The following ROBO1 variants were observed in gnomAD, a reference collection of about 807,000 sequenced individuals.
ROBO1 encodes roundabout homolog 1.
In ROBO1, 149 loss-of-function variants were observed where a neutral mutation model predicts 195.9. That is an observed-to-expected ratio of 0.76 (90% CI 0.67 to 0.87). The LOEUF (loss-of-function observed/expected upper bound fraction) is 0.87. Among genes scored for constraint, ROBO1 ranks in the 40% least tolerant of loss-of-function variants. ROBO1 has a pLI of 0.00. For synonymous variants in ROBO1, 816 were observed against 733.2 expected (o/e 1.11, Z -1.82); for missense variants, 1,933 against 2,068.3 (o/e 0.93, Z 1.27).
chr3:78,778,651 T>C (rs945218994), intron 4 of ROBO1, among the ~76,000 whole-genome samples: 6 of 152,210 alleles, frequency 3.9e-5, no homozygotes, highest in Non-Finnish European at 8.8e-5. Context: ...TCCATGCTCA[T>C]GGATGGGAAG....
chr3:79,460,250 T>C (rs1053512457), intron 2 of ROBO1, among the ~76,000 whole-genome samples: 3 of 152,182 alleles, frequency 2.0e-5, no homozygotes, highest in Non-Finnish European at 4.4e-5. Context: ...TGAGAGGCAT[T>C]GCCATCAATA....
chr3:78,774,380 G>C (rs989395373), intron 4 of ROBO1, among the ~76,000 whole-genome samples: 1 of 151,368 alleles, frequency 6.6e-6, no homozygotes, highest in African/African-American at 2.4e-5. Context: ...GCCGGATCTC[G>C]GCTCACCGCA....
intron 1 of ROBO1, among the ~76,000 whole-genome samples, chr3:79,606,812 G>A (rs1305986690): frequency 2.0e-5 from 3 of 151,554 alleles, no homozygotes; most frequent in African/African-American, 4.8e-5. Context: ...CAAATCAACC[G>A]TTTCAAAAAA....
chr3:78,731,724 AC>A (rs1236697349), intron 5 of ROBO1, among the ~76,000 whole-genome samples: 1 of 152,128 alleles, frequency 6.6e-6, no homozygotes, highest in African/African-American at 2.4e-5. Context: ...ACCACTCCAT[AC>A]TAAAATAACA....
intron 5 of ROBO1, among the ~76,000 whole-genome samples, chr3:78,720,478 A>C (rs2082013889): frequency 6.6e-6 from 1 of 152,154 alleles, no homozygotes; most frequent in African/African-American, 2.4e-5. Context: ...AAATAGGAAC[A>C]CTTTTACACT....
chr3:78,712,017 C>CAAAAAAAA (rs56267632), intron 8 of ROBO1, among the ~76,000 whole-genome samples: 25 of 76,444 alleles, frequency 3.3e-4, no homozygotes, highest in Admixed American at 4.9e-4. Context: ...AAGACCTTGG[C>CAAAAAAAA]AAAAAAAAAA....
At chr3:78,601,228 G>T (rs547783054) in intron 29 of ROBO1, among the ~76,000 whole-genome samples, 1 of 152,052 alleles carries the variant, frequency 6.6e-6, no homozygotes, top group Non-Finnish European at 1.5e-5. Context: ...TGAAGTTCCC[G>T]CTGACGTTCT....
chr3:79,713,992 T>C (rs1702378384), intron 1 of ROBO1, among the ~76,000 whole-genome samples: 1 of 152,156 alleles, frequency 6.6e-6, no homozygotes, highest in Admixed American at 6.6e-5. Context: ...TTTTGGTTAC[T>C]GTAGCCTTGT....
At chr3:79,552,698 G>A (rs973814611) in intron 2 of ROBO1, among the ~76,000 whole-genome samples, 1 of 152,060 alleles carries the variant, frequency 6.6e-6, no homozygotes, top group Non-Finnish European at 1.5e-5. Flanking sequence ...GCCTGGCATT[G>A]GCAGATAGAT....
In ROBO1 at chr3:79,017,450, A is replaced by AGAGTGT. The variant is rs71631636; in HGVS notation, c.173-78524_173-78523insACACTC. ...TGTGACTATAAAAATTCCGAGGTGC[A>AGAGTGT]GTGTGTGTGTGTGTGTGTGTGTGTG... On this transcript the variant is annotated intron_variant, in intron 3 of 30. Coordinates refer to ENST00000464233, the MANE Select transcript of ROBO1 (RefSeq NM_002941.4). Among the ~76,000 whole-genome samples the AGAGTGT allele has an allele frequency of 2.9e-4, 39 of 133,512 alleles. No homozygotes were observed. The East Asian group carries it at 8.3e-3, about 28-fold the overall frequency. 87.6% of individuals were successfully genotyped at this position (133,512 alleles called of 152,430 possible). A position where few individuals can be genotyped will look rare whatever the true frequency, so the allele number is the denominator to read the frequency against.
chr3:79,018,136 T>A (rs1481236149), intron 3 of ROBO1, among the ~76,000 whole-genome samples: 2 of 152,082 alleles, frequency 1.3e-5, no homozygotes. Context: ...CCCAGAGTAA[T>A]CTGGGCGTGC....
chr3:79,479,932 C>T (rs779112317), intron 2 of ROBO1, among the ~76,000 whole-genome samples: 10 of 152,098 alleles, frequency 6.6e-5, no homozygotes, highest in East Asian at 1.9e-4. Flanking sequence ...GTTCGCATTC[C>T]CTAGTTTTCC....
chr3:78,824,116 G>A (rs1063170), intron 4 of ROBO1, among the ~76,000 whole-genome samples: 1 of 152,152 alleles, frequency 6.6e-6, no homozygotes, highest in Non-Finnish European at 1.5e-5. Flanking sequence ...CTATAGCAGT[G>A]CCATACTGTA....
chr3:79,677,841 C>A (rs1338543948), intron 1 of ROBO1, among the ~76,000 whole-genome samples: 5 of 152,072 alleles, frequency 3.3e-5, no homozygotes, highest in Admixed American at 1.3e-4. Flanking sequence ...CATAGCCAGG[C>A]CAATACCTTG....
intron 24 of ROBO1, among the ~76,000 whole-genome samples, chr3:78,632,620 G>T (rs1053304164): frequency 1.3e-5 from 2 of 151,890 alleles, no homozygotes; most frequent in Non-Finnish European, 2.9e-5. Context: ...TTACCATCAC[G>T]CATCTTTACA....
intron 2 of ROBO1, among the ~76,000 whole-genome samples, chr3:79,481,392 A>G (rs903738305): frequency 1.3e-5 from 2 of 152,174 alleles, no homozygotes; most frequent in African/African-American, 2.4e-5. Flanking sequence ...TCCAGGTATA[A>G]GTGCACAATT....
chr3:79,725,999 GA>G (rs1226965412), intron 1 of ROBO1, among the ~76,000 whole-genome samples: 3 of 151,964 alleles, frequency 2.0e-5, no homozygotes, highest in African/African-American at 7.2e-5. Flanking sequence ...AGAATCTCAA[GA>G]AGTCAAATCA....
chr3:79,577,503 G>A lies in ROBO1; in HGVS notation c.88+12321C>T, dbSNP rs554424088. Among the ~76,000 whole-genome samples, 280 of 152,216 alleles carry A rather than the reference G, an allele frequency of 1.8e-3. 1 individual carries two copies. The highest frequency in any genetic ancestry group is 5.0e-3 in the African/African-American group (209 of 41,546). On this transcript the variant is annotated intron_variant, in intron 2 of 30. Coordinates refer to ENST00000464233, the MANE Select transcript of ROBO1 (RefSeq NM_002941.4). Reference sequence around the variant, plus strand: ...TCTGCCCTGCAAAAGGCAATGTAAGGAGGATAAAGATATAAGGTAAATACT... The same window carrying A: ...TCTGCCCTGCAAAAGGCAATGTAAGAAGGATAAAGATATAAGGTAAATACT...
At chr3:79,653,890 A>G (rs1946085030) in intron 1 of ROBO1, among the ~76,000 whole-genome samples, 1 of 152,026 alleles carries the variant, frequency 6.6e-6, no homozygotes, top group Non-Finnish European at 1.5e-5. Flanking sequence ...TACAAATTAT[A>G]ACTGAAGATT....
Sources: allele counts gnomAD v4.1 joint callset (sites outside exome capture counted in the v4.1 genomes callset), GRCh38; gene constraint gnomAD v4.1.1; transcripts MANE v1.5; gene names NCBI Gene and HGNC (gene_info 2026-07-23, HGNC 2026-07-21).